Variants in SUCLG2 observed in about 807,000 individuals in gnomAD.
The protein encoded by SUCLG2 is succinate--CoA ligase [GDP-forming] subunit beta, mitochondrial.
SUCLG2 carries 42 observed loss-of-function variants against 47.9 expected under a neutral mutation model. The ratio of observed to expected loss-of-function variants is 0.88; its 90% CI spans 0.69 to 1.14. The LOEUF (loss-of-function observed/expected upper bound fraction) is 1.14, where lower values mean the gene tolerates loss of function less well. SUCLG2 is among the 50% of genes most tolerant of loss of function. The pLI, the probability that SUCLG2 is intolerant of heterozygous loss-of-function variation, is 0.00. For synonymous variants in SUCLG2, 195 were observed against 197.3 expected (o/e 0.99, Z 0.10); for missense variants, 571 against 525.9 (o/e 1.09, Z -0.84).
rs531055879 is a variant in SUCLG2 at position 67,642,038 on chromosome 3, A to G, written c.84+12465T>C. Reference sequence around the variant, plus strand: ...AATTAGGGCCCTCCCTAACGACCTCATTTTAACTTGATTTCCTCTATCTAT... The same window carrying G: ...AATTAGGGCCCTCCCTAACGACCTCGTTTTAACTTGATTTCCTCTATCTAT... On this transcript the variant is annotated intron_variant, in intron 1 of 10. Transcript: ENST00000307227. 7.7e-4 allele frequency among the ~76,000 whole-genome samples: 118 copies of G among 152,348 alleles called. No individual in the cohort carries two copies. The Middle Eastern group carries it at 0.01, about 13-fold the overall frequency.
At chr3:67,389,685 T>C (rs1306962278) in intron 10 of SUCLG2, among the ~76,000 whole-genome samples, 1 of 152,116 alleles carries the variant, frequency 6.6e-6, no homozygotes, top group Non-Finnish European at 1.5e-5. Context: ...CCTTAGAGTA[T>C]GATTTGGTTC....
chr3:67,606,325 A>T (rs7627391), intron 2 of SUCLG2, among the ~76,000 whole-genome samples: 1 of 152,044 alleles, frequency 6.6e-6, no homozygotes, highest in African/African-American at 2.4e-5. Context: ...CACTAAGTGC[A>T]TATCTCCAGG....
At chr3:67,567,430 G>C (rs1707483130) in intron 2 of SUCLG2, among the ~76,000 whole-genome samples, 1 of 151,742 alleles carries the variant, frequency 6.6e-6, no homozygotes, top group South Asian at 2.1e-4. Flanking sequence ...CTAGTAGCTG[G>C]GGCTACAGGT....
chr3:67,632,182 T>C (rs1231960643), intron 1 of SUCLG2, among the ~76,000 whole-genome samples: 1 of 152,064 alleles, frequency 6.6e-6, no homozygotes. Flanking sequence ...ACAGGGAAAA[T>C]CCAGAGTTCA....
intron 9 of SUCLG2, among the ~76,000 whole-genome samples, chr3:67,422,295 A>G (rs1166442733): frequency 6.6e-6 from 1 of 151,562 alleles, no homozygotes; most frequent in Admixed American, 6.6e-5. Flanking sequence ...AACATGGTGA[A>G]ACCCTGTCTC....
intron 3 of SUCLG2, 23 bp downstream of exon 3, chr3:67,529,064 G>A (rs1005140719): frequency 1.3e-6 from 2 of 1,581,164 alleles, no homozygotes; most frequent in Middle Eastern, 2.3e-4. Flanking sequence ...CAAAAGACAA[G>A]GAATAACAAC....
At chr3:67,362,245 C>G (rs942415340) in intron 10 of SUCLG2, among the ~76,000 whole-genome samples, 2 of 152,128 alleles carry the variant, frequency 1.3e-5, no homozygotes, top group African/African-American at 4.8e-5. Context: ...TTCATGTACC[C>G]CAGGACAGGA....
At chr3:67,452,563 C>G (rs535631515) in intron 9 of SUCLG2, among the ~76,000 whole-genome samples, 2 of 152,276 alleles carry the variant, frequency 1.3e-5, no homozygotes, top group Admixed American at 6.5e-5. Flanking sequence ...AGGTAAGTTT[C>G]AGTTAGTAGC....
At chr3:67,632,246 G>A (rs190092693) in intron 1 of SUCLG2, among the ~76,000 whole-genome samples, 42 of 152,120 alleles carry the variant, frequency 2.8e-4, no homozygotes, top group African/African-American at 8.7e-4. Flanking sequence ...GCACTGGTGC[G>A]ATCTCTGCTC....
intron 1 of SUCLG2, among the ~76,000 whole-genome samples, chr3:67,616,391 A>G (rs534601003): frequency 6.6e-6 from 1 of 152,282 alleles, no homozygotes; most frequent in African/African-American, 2.4e-5. Context: ...TATATTAGAC[A>G]CACATGTTCA....
chr3:67,647,050 C>G (rs1305472850), intron 1 of SUCLG2, among the ~76,000 whole-genome samples: 1 of 152,076 alleles, frequency 6.6e-6, no homozygotes, highest in Admixed American at 6.6e-5. Context: ...TACAAGGCAG[C>G]CCTCCTGAAC....
chr3:67,505,142 T>C (rs1189868165), intron 7 of SUCLG2, among the ~76,000 whole-genome samples: 3 of 152,066 alleles, frequency 2.0e-5, no homozygotes, highest in Non-Finnish European at 4.4e-5. Flanking sequence ...TGAGAATCAT[T>C]TGAAGGGATT....
At chr3:67,449,032 A>G (rs1703993601) in intron 9 of SUCLG2, among the ~76,000 whole-genome samples, 2 of 152,304 alleles carry the variant, frequency 1.3e-5, no homozygotes, top group South Asian at 4.1e-4. Flanking sequence ...ACAGAAACAC[A>G]TTATTTTACA....
intron 9 of SUCLG2, among the ~76,000 whole-genome samples, chr3:67,409,976 A>G (rs1399861165): frequency 2.0e-5 from 3 of 152,198 alleles, no homozygotes; most frequent in Non-Finnish European, 4.4e-5. Flanking sequence ...AGACCTAAGT[A>G]ATGCTCCTTG....
At chr3:67,396,873 A>C (rs974567612) in intron 10 of SUCLG2, among the ~76,000 whole-genome samples, 5 of 152,038 alleles carry the variant, frequency 3.3e-5, no homozygotes, top group Non-Finnish European at 5.9e-5. Flanking sequence ...TCAATATACG[A>C]AAATAAATAA....
chr3:67,449,761 G>A (rs1274932225), intron 9 of SUCLG2, among the ~76,000 whole-genome samples: 2 of 151,912 alleles, frequency 1.3e-5, no homozygotes, highest in Non-Finnish European at 2.9e-5. Context: ...CTACAGGTGT[G>A]TGCCACCATG....
chr3:67,563,209 A>C (rs1361012541), intron 2 of SUCLG2, among the ~76,000 whole-genome samples: 1 of 152,064 alleles, frequency 6.6e-6, no homozygotes, highest in Non-Finnish European at 1.5e-5. Flanking sequence ...GGTACTCCCA[A>C]AACCAGAGCC....
intron 2 of SUCLG2, among the ~76,000 whole-genome samples, chr3:67,587,776 C>T (rs1393342158): frequency 6.6e-6 from 1 of 152,118 alleles, no homozygotes; most frequent in African/African-American, 2.4e-5. Flanking sequence ...AATCCAGTCC[C>T]TATGGCATCA....
chr3:67,503,800 C>T (rs12489684), intron 7 of SUCLG2, among the ~76,000 whole-genome samples: 5,513 of 152,252 alleles, frequency 0.036, 119 homozygotes, highest in South Asian at 0.061. Context: ...TCAAAGAAAG[C>T]TGTGGTACTT....
Sources: gnomAD v4.1 joint callset for allele counts (sites outside exome capture counted in the v4.1 genomes callset) on GRCh38, gnomAD v4.1.1 for gene constraint, MANE v1.5 for transcripts, NCBI Gene and HGNC (gene_info 2026-07-23, HGNC 2026-07-21) for gene names.